The following TENM1 variants were observed in gnomAD, a reference collection of about 807,000 sequenced individuals.
TENM1 encodes teneurin-1.
A neutral mutation model predicts 174.8 loss-of-function variants in TENM1; 35 were observed. That is an observed-to-expected ratio of 0.20 (90% CI 0.15 to 0.27). The LOEUF (loss-of-function observed/expected upper bound fraction) is 0.27, where lower values mean the gene tolerates loss of function less well. Ranked by LOEUF, TENM1 falls within the 10% of genes least tolerant of loss-of-function variation. TENM1 has a pLI of 1.00. For missense variants in TENM1, 1,633 were observed against 2,130.1 expected (o/e 0.77, Z 4.59); for synonymous variants, 781 against 798.7 (o/e 0.98, Z 0.37).
Position 124,520,843 on chromosome X carries a change from T to C in TENM1, c.3034-59A>G. On this transcript the variant is annotated intron_variant, in intron 17 of 31. Coordinates refer to ENST00000422452, the Ensembl canonical transcript of TENM1. ...GCTCTTGTCAGTGGTCGCAGGTAGA[T>C]GAGGATATTGCATGCTTTGTTGTCT... The C allele has an allele frequency of 7.7e-6, 8 of 1,033,162 alleles. No homozygotes were observed. In the South Asian group the frequency reaches 1.4e-4, roughly 19 times the overall value. 85.1% of individuals were successfully genotyped at this position (1,033,162 alleles called of 1,213,427 possible).
chrX:124,517,900 T>C (rs1432890482), intron 18 of TENM1, among the ~76,000 whole-genome samples: 2 of 111,208 alleles, frequency 1.8e-5, no homozygotes, highest in African/African-American at 6.5e-5. Flanking sequence ...ATTATCTGCC[T>C]AGTGAAGGAA....
At chrX:125,102,011 G>A in the TENM1 span, among the ~76,000 whole-genome samples, 4 of 111,796 alleles carry the variant, frequency 3.6e-5, no homozygotes, top group South Asian at 1.1e-3. Context: ...AGTGGGGAAG[G>A]TATAACACCA....
intron 6 of TENM1, among the ~76,000 whole-genome samples, chrX:124,664,187 C>T (rs1490472653): frequency 9.0e-6 from 1 of 111,671 alleles, no homozygotes; most frequent in African/African-American, 3.3e-5. Context: ...ATTCCCAATT[C>T]TACCTCAATA....
chrX:124,648,589 A>C (rs1296588197), intron 8 of TENM1, among the ~76,000 whole-genome samples: 1 of 112,318 alleles, frequency 8.9e-6, no homozygotes, highest in African/African-American at 3.2e-5. Flanking sequence ...CTTGACAAGT[A>C]GTTATGAAAA....
intron 6 of TENM1, among the ~76,000 whole-genome samples, chrX:124,667,356 G>A (rs1280434690): frequency 1.8e-5 from 2 of 110,481 alleles, no homozygotes; most frequent in Non-Finnish European, 3.8e-5. Flanking sequence ...TTGGGAGGCC[G>A]AGGCAGGTGG....
the TENM1 span, among the ~76,000 whole-genome samples, chrX:125,194,812 C>A: frequency 1.9e-4 from 21 of 111,768 alleles, no homozygotes; most frequent in Admixed American, 2.0e-3. Flanking sequence ...TCTTTCACAG[C>A]CCTAAGGTCA....
intron 4 of TENM1, among the ~76,000 whole-genome samples, chrX:124,727,819 A>T (rs2053476574): frequency 8.9e-6 from 1 of 111,793 alleles, no homozygotes; most frequent in South Asian, 3.7e-4. Flanking sequence ...GGTATGAAAT[A>T]ATACTTGTAA....
At chrX:125,028,439 CA>C in the TENM1 span, among the ~76,000 whole-genome samples, 12 of 111,227 alleles carry the variant, frequency 1.1e-4, no homozygotes, top group African/African-American at 3.9e-4. Flanking sequence ...AACAGAAAAC[CA>C]AAAACTACAT....
At chrX:125,108,611 T>G in the TENM1 span, among the ~76,000 whole-genome samples, 1 of 108,830 alleles carries the variant, frequency 9.2e-6, no homozygotes. Context: ...GCACAAGAGT[T>G]GCTTGACCCC....
the TENM1 span, among the ~76,000 whole-genome samples, chrX:125,079,689 A>G: frequency 9.0e-6 from 1 of 111,408 alleles, no homozygotes; most frequent in African/African-American, 3.3e-5. Flanking sequence ...GGCTACAGTA[A>G]ACTCCCATTA....
At chrX:124,495,105 T>C (rs1189812893) in intron 20 of TENM1, among the ~76,000 whole-genome samples, 1 of 106,854 alleles carries the variant, frequency 9.4e-6, no homozygotes, top group Non-Finnish European at 1.9e-5. Flanking sequence ...TCCATAATGG[T>C]TGAACTAGTT....
At chrX:124,656,091 A>C in intron 6 of TENM1, among the ~76,000 whole-genome samples, 1 of 112,631 alleles carries the variant, frequency 8.9e-6, no homozygotes, top group Non-Finnish European at 1.9e-5. Flanking sequence ...TATTATAAAT[A>C]TAAAACAATT....
At chrX:124,896,214 G>A in exon 2 of TENM1, 2 of 1,207,922 alleles carry the variant, frequency 1.7e-6, no homozygotes, top group Non-Finnish European at 2.2e-6. Context: ...AGAGCACAGA[G>A]TGTGAGAGGT....
the TENM1 span, among the ~76,000 whole-genome samples, chrX:125,185,603 T>C: frequency 8.9e-6 from 1 of 112,607 alleles, no homozygotes; most frequent in East Asian, 2.8e-4. Context: ...TAGCTATGTG[T>C]TCAATTCTCA....
intron 11 of TENM1, among the ~76,000 whole-genome samples, chrX:124,636,251 T>A (rs1448725275): frequency 8.9e-6 from 1 of 112,084 alleles, no homozygotes; most frequent in Non-Finnish European, 1.9e-5. Context: ...CACAGTGAGA[T>A]CATCTCGATG....
At chrX:124,588,970 T>G (rs1235053031) in intron 11 of TENM1, among the ~76,000 whole-genome samples, 1 of 111,227 alleles carries the variant, frequency 9.0e-6, no homozygotes, top group African/African-American at 3.3e-5. Context: ...CATCCTTGTC[T>G]TGTTACAGTC....
chrX:125,115,951 A>C, the TENM1 span, among the ~76,000 whole-genome samples: 2 of 111,656 alleles, frequency 1.8e-5, no homozygotes, highest in African/African-American at 6.5e-5. Context: ...ATCCTAAGCA[A>C]AAAGAACAAA....
At chrX:125,158,932 C>T in the TENM1 span, among the ~76,000 whole-genome samples, 4 of 103,798 alleles carry the variant, frequency 3.9e-5, no homozygotes, top group Admixed American at 1.1e-4. Context: ...ATAGCAGTGT[C>T]TGATAACAAA....
At chrX:124,882,192 G>C (rs2057315162) in intron 3 of TENM1, among the ~76,000 whole-genome samples, 1 of 112,109 alleles carries the variant, frequency 8.9e-6, no homozygotes, top group Non-Finnish European at 1.9e-5. Flanking sequence ...CTGATTTCTA[G>C]TTTAATTCCA....
Sources: allele counts gnomAD v4.1 joint callset (sites outside exome capture counted in the v4.1 genomes callset), GRCh38; gene constraint gnomAD v4.1.1; transcripts MANE v1.5; gene names NCBI Gene and HGNC (gene_info 2026-07-23, HGNC 2026-07-21).